CCDC171: variants seen among roughly 807,000 people sequenced by gnomAD.
CCDC171 encodes coiled-coil domain-containing protein 171.
In CCDC171, 177 loss-of-function variants were observed where a neutral mutation model predicts 168.2. The observed-to-expected ratio is 1.05, with a 90% CI of 0.93 to 1.19. CCDC171 has a LOEUF of 1.19. Among genes scored for constraint, CCDC171 ranks in the 50% most tolerant of loss-of-function variants. The pLI is 0.00. For missense variants in CCDC171, 1,991 were observed against 1,539.0 expected, an observed-to-expected ratio of 1.29 and a Z score of -4.91; for synonymous variants, 687 against 540.8, an observed-to-expected ratio of 1.27 and a Z score of -3.75.
At chr9:15,892,429 T>C (rs139061507) in intron 24 of CCDC171, among the ~76,000 whole-genome samples, 3,693 of 152,268 alleles carry the variant, frequency 0.024, 154 homozygotes, top group African/African-American at 0.084. Context: ...TGAATTTTAT[T>C]GAAGGCCTTT....
chr9:15,553,828 AC>A (rs765600023), intron 1 of CCDC171, among the ~76,000 whole-genome samples: 2 of 151,322 alleles, frequency 1.3e-5, no homozygotes, highest in Non-Finnish European at 3.0e-5. Flanking sequence ...AATGGAGCCG[AC>A]TTTTTGAATT....
At chr9:15,906,629 C>G (rs1386978816) in intron 24 of CCDC171, among the ~76,000 whole-genome samples, 1 of 152,148 alleles carries the variant, frequency 6.6e-6, no homozygotes, top group African/African-American at 2.4e-5. Flanking sequence ...GGGATGCCCT[C>G]TCTCACCACT....
At chr9:15,647,783 G>A (rs2047169667) in intron 7 of CCDC171, among the ~76,000 whole-genome samples, 1 of 152,076 alleles carries the variant, frequency 6.6e-6, no homozygotes, top group African/African-American at 2.4e-5. Flanking sequence ...AAAAGTCCAG[G>A]ACCAGACGAT....
intron 18 of CCDC171, among the ~76,000 whole-genome samples, chr9:15,747,625 G>A (rs1416204617): frequency 3.3e-5 from 5 of 152,164 alleles, no homozygotes; most frequent in East Asian, 1.9e-4. Flanking sequence ...TGGACTGGAC[G>A]TCCAGCAAAC....
At chr9:15,854,214 G>A (rs2061259935) in intron 23 of CCDC171, among the ~76,000 whole-genome samples, 1 of 151,150 alleles carries the variant, frequency 6.6e-6, no homozygotes, top group Non-Finnish European at 1.5e-5. Context: ...ATTCATCAGT[G>A]AAACTTTCTG....
intron 9 of CCDC171, among the ~76,000 whole-genome samples, chr9:15,677,239 A>G (rs1358605584): frequency 2.0e-5 from 3 of 152,118 alleles, no homozygotes; most frequent in Non-Finnish European, 4.4e-5. Context: ...TCATTTTTAT[A>G]GTTTAGTTCT....
chr9:15,945,393 C>T (rs1828231384), intron 25 of CCDC171, among the ~76,000 whole-genome samples: 1 of 149,772 alleles, frequency 6.7e-6, no homozygotes, highest in Non-Finnish European at 1.5e-5. Flanking sequence ...GGGTATATAC[C>T]CAGTAATGGG....
At position 15,819,188 on chromosome 9, in the gene CCDC171, A is replaced by G. The variant is rs1317739105; in HGVS notation, c.3268-27514A>G. 1.7e-5 allele frequency among the ~76,000 whole-genome samples: 2 copies of G among 118,182 alleles called. 1 individual carries two copies. Among genetic ancestry groups the G allele is most frequent in the Non-Finnish European group, 3.8e-5 (2 of 52,520 alleles). 77.5% of individuals were successfully genotyped at this position (118,182 alleles called of 152,430 possible). A position where few individuals can be genotyped will look rare whatever the true frequency, so the allele number is the denominator to read the frequency against. ...AGGCCTGCCCTGCAAGAGCTCCTGAAGGAAGCACTAAACATGGAAAGGAAC... is the reference window on the plus strand; with the variant it reads ...AGGCCTGCCCTGCAAGAGCTCCTGAGGGAAGCACTAAACATGGAAAGGAAC... On this transcript the variant is annotated intron_variant, in intron 21 of 25. Coordinates refer to ENST00000380701, the MANE Select transcript of CCDC171 (RefSeq NM_173550.4).
chr9:15,766,273 C>T (rs952201653), intron 18 of CCDC171, among the ~76,000 whole-genome samples: 6 of 152,050 alleles, frequency 3.9e-5, no homozygotes, highest in African/African-American at 1.4e-4. Flanking sequence ...ACCCAGGAGT[C>T]TTGTGTTTTT....
At chr9:15,897,879 C>G (rs1428814170) in intron 24 of CCDC171, among the ~76,000 whole-genome samples, 5 of 152,150 alleles carry the variant, frequency 3.3e-5, no homozygotes, top group Non-Finnish European at 7.4e-5. Flanking sequence ...ATTGAGTGAA[C>G]ATGGGCTTTG....
chr9:15,950,348 G>GAA (rs1828986121), intron 25 of CCDC171, among the ~76,000 whole-genome samples: 1 of 152,028 alleles, frequency 6.6e-6, no homozygotes, highest in African/African-American at 2.4e-5. Flanking sequence ...TGAAATGAAG[G>GAA]AAAAAATGTT....
the CCDC171 span, among the ~76,000 whole-genome samples, chr9:16,067,129 T>C: frequency 6.6e-6 from 1 of 151,944 alleles, no homozygotes; most frequent in Non-Finnish European, 1.5e-5. Context: ...ACCTGTTGTT[T>C]CCTGACTTTT....
At chr9:15,837,187 T>C (rs2060488039) in intron 21 of CCDC171, among the ~76,000 whole-genome samples, 1 of 152,180 alleles carries the variant, frequency 6.6e-6, no homozygotes, top group African/African-American at 2.4e-5. Context: ...CGTTCTACAA[T>C]ATGTACTCAG....
intron 24 of CCDC171, among the ~76,000 whole-genome samples, chr9:15,881,818 A>G (rs781593236): frequency 6.6e-6 from 1 of 152,142 alleles, no homozygotes; most frequent in African/African-American, 2.4e-5. Context: ...TTCATTGTGT[A>G]TATCTATATC....
At chr9:15,663,451 C>T (rs764677136) in intron 8 of CCDC171, among the ~76,000 whole-genome samples, 1 of 151,908 alleles carries the variant, frequency 6.6e-6, no homozygotes, top group Non-Finnish European at 1.5e-5. Context: ...CATTCCTCTA[C>T]CCTCCTGCCT....
the CCDC171 span, among the ~76,000 whole-genome samples, chr9:16,086,292 T>G: frequency 2.6e-5 from 4 of 151,402 alleles, no homozygotes; most frequent in Non-Finnish European, 5.9e-5. Context: ...ATGGGATCAG[T>G]GGTAATATCC....
chr9:15,923,354 A>G (rs1564007271), intron 25 of CCDC171, among the ~76,000 whole-genome samples: 2 of 151,374 alleles, frequency 1.3e-5, no homozygotes, highest in Admixed American at 1.3e-4. Context: ...ATTTACGACA[A>G]CATGGATGAA....
In CCDC171 at chr9:15,880,626, G is replaced by GTT. The variant is rs57349228; in HGVS notation, c.3600+5983_3600+5984dup. ...CATGTGCCACCATGCCCGCCTAATTGTTTTTTTTTTTTTTTTTTTTTGTAA... is the reference window on the plus strand; with the variant it reads ...CATGTGCCACCATGCCCGCCTAATTGTTTTTTTTTTTTTTTTTTTTTTTGTAA... On this transcript the variant is annotated intron_variant, in intron 24 of 25. Transcript: ENST00000380701. Among the ~76,000 whole-genome samples, 96 of 116,074 alleles carry GTT rather than the reference G, an allele frequency of 8.3e-4. 1 individual carries two copies. The highest frequency in any genetic ancestry group is 1.6e-3 in the African/African-American group (53 of 32,244). 76.1% of individuals were successfully genotyped at this position (116,074 alleles called of 152,430 possible).
At chr9:15,640,253 C>T (rs1011452249) in intron 7 of CCDC171, among the ~76,000 whole-genome samples, 1 of 152,014 alleles carries the variant, frequency 6.6e-6, no homozygotes, top group South Asian at 2.1e-4. Context: ...AATTCACTTC[C>T]AAGACCAGTT....
Sources: allele counts gnomAD v4.1 joint callset (sites outside exome capture counted in the v4.1 genomes callset), GRCh38; gene constraint gnomAD v4.1.1; transcripts MANE v1.5; gene names NCBI Gene and HGNC (gene_info 2026-07-23, HGNC 2026-07-21).